The following SLCO1B1 variants were observed in gnomAD, a reference collection of about 807,000 sequenced individuals.
SLCO1B1 encodes the protein solute carrier organic anion transporter family member 1B1.
SLCO1B1 carries 81 observed loss-of-function variants against 70.1 expected under a neutral mutation model. The observed-to-expected ratio is 1.16, with a 90% CI of 0.97 to 1.39. The LOEUF (loss-of-function observed/expected upper bound fraction) is 1.39. SLCO1B1 is among the 40% of genes most tolerant of loss of function. SLCO1B1 has a pLI of 0.00. For synonymous variants in SLCO1B1, 283 were observed against 271.5 expected, an observed-to-expected ratio of 1.04 and a Z score of -0.42; for missense variants, 895 against 799.6, an observed-to-expected ratio of 1.12 and a Z score of -1.44.
intron 12 of SLCO1B1, among the ~76,000 whole-genome samples, chr12:21,220,472 T>C (rs1412619079): frequency 2.0e-5 from 3 of 152,114 alleles, no homozygotes; most frequent in Admixed American, 2.0e-4. Context: ...CTTGAATGCC[T>C]GTATTCAAGC....
At chr12:21,226,506 A>G (rs1591828443) in intron 14 of SLCO1B1, among the ~76,000 whole-genome samples, 1 of 152,166 alleles carries the variant, frequency 6.6e-6, no homozygotes, top group East Asian at 1.9e-4. Flanking sequence ...GGGCCAAACT[A>G]TGAAGACAAT....
intron 13 of SLCO1B1, 33 bp downstream of exon 13, chr12:21,222,397 A>AT (rs756408099): frequency 1.2e-4 from 12 of 97,722 alleles, no homozygotes; most frequent in African/African-American, 6.0e-4. Flanking sequence ...AAAAAAAAAA[A>AT]ATATATATAT....
intron 7 of SLCO1B1, among the ~76,000 whole-genome samples, chr12:21,192,223 CAGTA>C (rs142800176): frequency 0.01 from 1,578 of 152,026 alleles, 37 homozygotes; most frequent in South Asian, 0.038. Context: ...TAACACGCAC[CAGTA>C]AAGCCATCTG....
At chr12:21,211,268 G>A (rs1444974874) in intron 11 of SLCO1B1, among the ~76,000 whole-genome samples, 1 of 152,174 alleles carries the variant, frequency 6.6e-6, no homozygotes, top group Non-Finnish European at 1.5e-5. Flanking sequence ...TTTTTAGCAT[G>A]AAGTGTTGTT....
chr12:21,145,264 A>G (rs962982002), intron 2 of SLCO1B1, among the ~76,000 whole-genome samples: 1 of 152,134 alleles, frequency 6.6e-6, no homozygotes, highest in Non-Finnish European at 1.5e-5. Flanking sequence ...GCACAGTGTT[A>G]CATAGAAACT....
intron 3 of SLCO1B1, among the ~76,000 whole-genome samples, chr12:21,174,122 A>T (rs1263127208): frequency 1.3e-5 from 2 of 152,088 alleles, no homozygotes; most frequent in African/African-American, 4.8e-5. Flanking sequence ...ATCTATTTTT[A>T]TCGTTAGTAT....
chr12:21,139,813 C>A (rs1338344220), intron 1 of SLCO1B1, among the ~76,000 whole-genome samples: 2 of 152,082 alleles, frequency 1.3e-5, no homozygotes, highest in Non-Finnish European at 2.9e-5. Context: ...AAGAAATATC[C>A]TTTTCACACT....
chr12:21,160,092 A>C, intron 2 of SLCO1B1, among the ~76,000 whole-genome samples: 1 of 136,974 alleles, frequency 7.3e-6, no homozygotes, highest in Non-Finnish European at 1.6e-5. Context: ...TACCAGCAAT[A>C]TTCTTCACAG....
intron 10 of SLCO1B1, 97 bp from the exon 11 acceptor site, chr12:21,205,771 T>A: frequency 2.2e-6 from 2 of 926,246 alleles, no homozygotes; most frequent in Non-Finnish European, 3.2e-6. Flanking sequence ...TTTTTCCCTC[T>A]TTCTCTGCTT....
intron 14 of SLCO1B1, among the ~76,000 whole-genome samples, chr12:21,234,520 C>T (rs1312126348): frequency 1.3e-5 from 2 of 152,066 alleles, no homozygotes; most frequent in African/African-American, 4.8e-5. Flanking sequence ...TGGTTTTAAA[C>T]TCGAAGCTAT....
At chr12:21,155,668 A>G (rs1940533622) in intron 2 of SLCO1B1, among the ~76,000 whole-genome samples, 1 of 152,162 alleles carries the variant, frequency 6.6e-6, no homozygotes, top group Admixed American at 6.6e-5. Flanking sequence ...GAACCCTGAA[A>G]GCTCAGAAAA....
chr12:21,163,740 G>A (rs1394214376), intron 2 of SLCO1B1, among the ~76,000 whole-genome samples: 1 of 151,948 alleles, frequency 6.6e-6, no homozygotes, highest in Non-Finnish European at 1.5e-5. Flanking sequence ...CATTCATGAG[G>A]GTTCCACAGC....
chr12:21,151,033 T>C (rs1175465546), intron 2 of SLCO1B1, among the ~76,000 whole-genome samples: 10 of 152,214 alleles, frequency 6.6e-5, no homozygotes, highest in Admixed American at 4.6e-4. Context: ...GCAAACATCT[T>C]AGCGTGTACA....
At chr12:21,172,190 G>T (rs569605190) in intron 2 of SLCO1B1, among the ~76,000 whole-genome samples, 1 of 152,254 alleles carries the variant, frequency 6.6e-6, no homozygotes, top group East Asian at 1.9e-4. Flanking sequence ...TCAGTCACTT[G>T]TGTTGGTCAT....
chr12:21,213,190 C>G (rs1941310737), intron 11 of SLCO1B1, among the ~76,000 whole-genome samples: 1 of 152,138 alleles, frequency 6.6e-6, no homozygotes, highest in Non-Finnish European at 1.5e-5. Flanking sequence ...CATGATTTTG[C>G]AGTGGCTGGT....
intron 7 of SLCO1B1, among the ~76,000 whole-genome samples, chr12:21,183,077 G>T (rs527537870): frequency 6.6e-6 from 1 of 152,200 alleles, no homozygotes; most frequent in Non-Finnish European, 1.5e-5. Flanking sequence ...TCTCTTGCCC[G>T]CTGCCACAAG....
intron 7 of SLCO1B1, among the ~76,000 whole-genome samples, chr12:21,179,670 G>A (rs1940868880): frequency 6.6e-6 from 1 of 151,958 alleles, no homozygotes; most frequent in Non-Finnish European, 1.5e-5. Context: ...AAATATTCTT[G>A]CACCATATCT....
At chr12:21,209,084 T>A (rs1371954613) in intron 11 of SLCO1B1, among the ~76,000 whole-genome samples, 3 of 152,132 alleles carry the variant, frequency 2.0e-5, no homozygotes, top group Admixed American at 2.0e-4. Flanking sequence ...ATACTTTAAG[T>A]TTTAGGGTAC....
chr12:21,197,136 T>C lies in SLCO1B1; in HGVS notation c.918T>C (p.Asp306=). 1.2e-6 allele frequency: 2 copies of C among 1,613,472 alleles called. No homozygotes were observed. The highest frequency in any genetic ancestry group is 1.7e-6 in the Non-Finnish European group (2 of 1,179,606). ...TGCTGGAAACAAATGATGAAAAGGA[T>C]CAAACAGCTAATTTGACCAATCAAG... is the stretch of plus-strand genomic sequence containing the variant. ...LHVLETNDEK[D]QTANLTNQGK... is the part of the protein sequence containing the mutation. The change falls in exon 8 of 15, where the codon GAT becomes GAC. Residue 306 remains aspartate (D), a synonymous_variant. Transcript: ENST00000256958.
Sources: allele counts gnomAD v4.1 joint callset (sites outside exome capture counted in the v4.1 genomes callset), GRCh38; gene constraint gnomAD v4.1.1; transcripts MANE v1.5; gene names NCBI Gene and HGNC (gene_info 2026-07-23, HGNC 2026-07-21).